Variants in TNXB observed in about 807,000 individuals in gnomAD.
The protein encoded by TNXB is tenascin-X.
Under a neutral mutation model 340.5 loss-of-function variants are expected in TNXB, and 183 were observed. The observed-to-expected ratio is 0.54, with a 90% CI of 0.48 to 0.61. TNXB has a LOEUF of 0.61. Ranked by LOEUF, TNXB falls within the 20% of genes least tolerant of loss-of-function variation. The pLI, the probability that TNXB is intolerant of heterozygous loss-of-function variation, is 0.00. For missense variants in TNXB, 4,613 were observed against 5,446.4 expected, an observed-to-expected ratio of 0.85 and a Z score of 4.82; for synonymous variants, 2,121 against 2,314.5, an observed-to-expected ratio of 0.92 and a Z score of 2.40.
chr6:32,104,843 C>T (rs1780899779), intron 1 of TNXB, among the ~76,000 whole-genome samples: 7 of 152,024 alleles, frequency 4.6e-5, no homozygotes, highest in Admixed American at 4.6e-4. Flanking sequence ...TTCTATGTTG[C>T]TCGGGCTGGC....
In TNXB at chr6:32,058,310, G is replaced by A; in HGVS notation, c.7573C>T (p.Leu2525=). ...EAPGPPEEPL[L]GELTVTGSSP... Reference sequence around the variant, plus strand: ...GATCCTGTCACTGTCAGCTCCCCCAGGAGAGGCTCCTCGGGGGGCCCTGGG... The same window carrying A: ...GATCCTGTCACTGTCAGCTCCCCCAAGAGAGGCTCCTCGGGGGGCCCTGGG... Residue 2525 remains leucine (L), a synonymous_variant, in exon 22 of 44, where the codon CTG becomes TTG. Coordinates refer to ENST00000644971, the MANE Select transcript of TNXB (RefSeq NM_001365276.2). This position sits in a 1 kb window ranked among gnomAD's most constrained non-coding sequence, Gnocchi z 5.1. 3.1e-6 allele frequency: 5 copies of A among 1,611,884 alleles called. No homozygotes were observed. Among genetic ancestry groups the A allele is most frequent in the Non-Finnish European group, 4.2e-6 (5 of 1,179,540 alleles).
intron 6 of TNXB, chr6:32,088,020 G>A (rs1779894732): frequency 3.5e-6 from 1 of 284,996 alleles, no homozygotes; most frequent in African/African-American, 2.4e-5. Context: ...GGGAGAACAG[G>A]TCAGTGGCAG....
In TNXB at chr6:32,087,633, G is replaced by T. The variant is rs765418888; in HGVS notation, c.2779+1152C>A. The T allele has an allele frequency of 9.9e-6, 4 of 404,942 alleles. No homozygotes were observed. In the Middle Eastern group the frequency reaches 2.4e-3, roughly 248 times the overall value. The allele number at this position is 404,942 out of a possible 1,614,324, so 25.1% of individuals were successfully genotyped here. A position where few individuals can be genotyped will look rare whatever the true frequency, so the allele number is the denominator to read the frequency against. On this transcript the variant is annotated intron_variant, in intron 6 of 43. Coordinates refer to ENST00000644971, the MANE Select transcript of TNXB (RefSeq NM_001365276.2). The surrounding 1 kb of genome is among the most constrained non-coding windows in gnomAD (Gnocchi z 9.0). ...CGGTGGGGCGGGGGTGGCGGGGCGG[G>T]GGTGCGGGGGAGCCGGCTGGGGCGG...
Position 32,083,646 on chromosome 6 carries a change from T to A in TNXB, c.3445+767A>T, listed in dbSNP as rs1779603319. 6.6e-6 allele frequency among the ~76,000 whole-genome samples: 1 copy of A among 152,064 alleles called. No homozygotes were observed. The highest frequency in any genetic ancestry group is 1.5e-5 in the Non-Finnish European group (1 of 68,022). ...TGCCACCATCCCAGCTGACCCATCA[T>A]CATTTTTCTTTTTTTTGAGACAGGG... On this transcript the variant is annotated intron_variant, in intron 8 of 43. Transcript: ENST00000644971. The surrounding 1 kb of genome is among the most constrained non-coding windows in gnomAD (Gnocchi z 4.6).
Position 32,056,142 on chromosome 6 carries a change from G to A in TNXB, c.8176C>T (p.Leu2726Phe). The change falls in exon 24 of 44, where the codon CTC (leucine) becomes TTC (phenylalanine). Residue 2726 changes from leucine to phenylalanine, a missense_variant. Around this residue, in one of 7 missense-constraint regions of TNXB, gnomAD observed 4,327 missense variants for 4,859.4 expected, o/e 0.89. Transcript: ENST00000644971. ...GGGGGCTCCGGGGCCTCAGTGCTGA[G>A]TTCCGTGGGGCTGGGGGTCTCTTCC... ...AEEETPSPTE[L>F]STEAPEPPEE... 6.2e-7 allele frequency: 1 copy of A among 1,612,386 alleles called. No homozygotes were observed.
chr6:32,069,850 C>T lies in TNXB; in HGVS notation c.5290G>A (p.Ala1764Thr), dbSNP rs1263928022. ...TADGTTEARS[A>T]MDDTGTKRPP... ...CGCTTTGTTCCAGTATCATCCATAGCACTCCGGGCTTCTGAGATGGAGACA... is the reference window on the plus strand; with the variant it reads ...CGCTTTGTTCCAGTATCATCCATAGTACTCCGGGCTTCTGAGATGGAGACA... The change falls in exon 15 of 44, where the codon GCT becomes ACT. Residue 1764 changes from alanine (A) to threonine (T), a missense_variant. Coordinates refer to ENST00000644971, the MANE Select transcript of TNXB (RefSeq NM_001365276.2). The surrounding 1 kb of genome is among the most constrained non-coding windows in gnomAD (Gnocchi z 6.2). The T allele has an allele frequency of 6.3e-7, 1 of 1,592,028 alleles. No homozygotes were observed. Among genetic ancestry groups the T allele is most frequent in the South Asian group, 1.1e-5 (1 of 89,458 alleles).
In TNXB at chr6:32,097,528, G is replaced by A; in HGVS notation, c.404-79C>T. The A allele has an allele frequency of 2.0e-6, 3 of 1,500,560 alleles. No homozygotes were observed. The highest frequency in any genetic ancestry group is 8.9e-7 in the Non-Finnish European group (1 of 1,121,818). The allele number at this position is 1,500,560 out of a possible 1,614,324, so 93.0% of individuals were successfully genotyped here. On this transcript the variant is annotated intron_variant, in intron 2 of 43. Transcript: ENST00000644971. The surrounding 1 kb of genome is among the most constrained non-coding windows in gnomAD (Gnocchi z 5.9). Reference sequence around the variant, plus strand: ...AGCCTATGTAGTGCTCCTATGTGCAGGCCCCTAGCCAGGCTAGCCTCATCT... The same window carrying A: ...AGCCTATGTAGTGCTCCTATGTGCAAGCCCCTAGCCAGGCTAGCCTCATCT...
Position 32,075,362 on chromosome 6 carries a change from C to T in TNXB, c.4376-1410G>A, listed in dbSNP as rs1779026563. Among the ~76,000 whole-genome samples, 1 of 152,226 alleles carries T rather than the reference C, an allele frequency of 6.6e-6. No homozygotes were observed. Among genetic ancestry groups the T allele is most frequent in the Non-Finnish European group, 1.5e-5 (1 of 68,038 alleles). On this transcript the variant is annotated intron_variant, in intron 11 of 43. Coordinates refer to ENST00000644971, the MANE Select transcript of TNXB (RefSeq NM_001365276.2). This position sits in a 1 kb window ranked among gnomAD's most constrained non-coding sequence, Gnocchi z 4.6. ...TATTGCCTGCCCTCCTCCAACTCCA[C>T]CACAAAACATACTGCATTCCTCACT...
Position 32,085,623 on chromosome 6 carries a change from A to C in TNXB, c.3148+127T>G. 8.8e-7 allele frequency: 1 copy of C among 1,136,616 alleles called. No individual in the cohort carries two copies. Among genetic ancestry groups the C allele is most frequent in the Non-Finnish European group, 1.2e-6 (1 of 850,134 alleles). 70.4% of individuals were successfully genotyped at this position (1,136,616 alleles called of 1,614,324 possible). A position where few individuals can be genotyped will look rare whatever the true frequency, so the allele number is the denominator to read the frequency against. ...TTCCTTTTCTCTCCTTTTCTCCTCT[A>C]TCCAGCCCCAAACATCAGCCCTGCC... On this transcript the variant is annotated intron_variant, in intron 7 of 43. Transcript: ENST00000644971. This position sits in a 1 kb window ranked among gnomAD's most constrained non-coding sequence, Gnocchi z 6.4.
In TNXB at chr6:32,042,603, C is replaced by T. The variant is rs1776513913; in HGVS notation, c.12062G>A (p.Gly4021Glu). 1 of 1,565,834 alleles carries T rather than the reference C, an allele frequency of 6.4e-7. No individual in the cohort carries two copies. Among genetic ancestry groups the T allele is most frequent in the Non-Finnish European group, 8.7e-7 (1 of 1,153,708 alleles). The change falls in exon 40 of 44, where the codon GGG becomes GAG. Residue 4021 changes from glycine (G) to glutamate (E), a missense_variant. Coordinates refer to ENST00000644971, the MANE Select transcript of TNXB (RefSeq NM_001365276.2). ...GTCCCTGGGGAAGGGGATCCGCAGCCCACCTGGGAGAGGAGAGCAGGGGCC... is the reference window on the plus strand; with the variant it reads ...GTCCCTGGGGAAGGGGATCCGCAGCTCACCTGGGAGAGGAGAGCAGGGGCC... ...PPVSTSFTTG[G>E]LRIPFPRDCG...
intron 1 of TNXB, among the ~76,000 whole-genome samples, chr6:32,099,726 GAAA>G (rs72548029): frequency 2.4e-4 from 30 of 126,778 alleles, no homozygotes; most frequent in African/African-American, 7.1e-4. Context: ...ATCTCCAATT[GAAA>G]AAAAAAAAAC....
chr6:32,100,906 C>A (rs1336449385), intron 1 of TNXB, among the ~76,000 whole-genome samples: 1 of 151,252 alleles, frequency 6.6e-6, no homozygotes, highest in Non-Finnish European at 1.5e-5. Flanking sequence ...ATGGTGAAAC[C>A]CCATCTCTAC....
At chr6:32,063,070 A>G (rs1778127344) in intron 19 of TNXB, among the ~76,000 whole-genome samples, 1 of 149,770 alleles carries the variant, frequency 6.7e-6, no homozygotes. Flanking sequence ...AAACAAACAA[A>G]CAAAAACAAA....
Position 32,096,451 on chromosome 6 carries a change from C to T in TNXB, c.1402G>A (p.Gly468Arg), listed in dbSNP as rs753788627. The T allele has an allele frequency of 7.5e-6, 12 of 1,598,890 alleles. No homozygotes were observed. The highest frequency in any genetic ancestry group is 1.0e-5 in the Non-Finnish European group (12 of 1,178,992). Residue 468 changes from glycine to arginine, a missense_variant, in exon 3 of 44, where the codon GGG becomes AGG. Transcript: ENST00000644971. The stretch of plus-strand genomic sequence containing the variant: ...CAGCGGCCCCGGCCACGACAGTCCC[C>T]AGGACAGCTGCGCACACCGCAGTCC... ...GEDCGVRSCP[G>R]DCRGRGRCES...
In TNXB at chr6:32,108,471, A is replaced by G. The variant is rs1437819166; in HGVS notation, c.-9+710T>C. 6.6e-6 allele frequency among the ~76,000 whole-genome samples: 1 copy of G among 152,088 alleles called. No homozygotes were observed. The highest frequency in any genetic ancestry group is 1.5e-5 in the Non-Finnish European group (1 of 68,006). ...CCCTGTGCCCCCAGAGGCATCTCTC[A>G]GCCATCCCAGCCCTGCTGAACCGTG... On this transcript the variant is annotated intron_variant, in intron 1 of 43. Coordinates refer to ENST00000644971, the MANE Select transcript of TNXB (RefSeq NM_001365276.2). The surrounding 1 kb of genome is among the most constrained non-coding windows in gnomAD (Gnocchi z 4.8).
rs979263723 is a variant in TNXB at position 32,084,747 on chromosome 6, C to T, written c.3149-38G>A. ...AGGCAAAAGCAAAGCATAGTGGACT[C>T]AACCGTTCTCTTGTCTGTGTCTCCT... On this transcript the variant is annotated intron_variant, in intron 7 of 43. Transcript: ENST00000644971. This position sits in a 1 kb window ranked among gnomAD's most constrained non-coding sequence, Gnocchi z 5.5. 1.3e-6 allele frequency: 2 copies of T among 1,494,440 alleles called. No homozygotes were observed. Among genetic ancestry groups the T allele is most frequent in the African/African-American group, 1.4e-5 (1 of 72,394 alleles). The allele number at this position is 1,494,440 out of a possible 1,614,324, so 92.6% of individuals were successfully genotyped here.
chr6:32,053,338 AG>A (rs765985555), intron 25 of TNXB, 49 bp downstream of exon 25: 2 of 1,584,606 alleles, frequency 1.3e-6, no homozygotes, highest in Non-Finnish European at 1.7e-6. Flanking sequence ...CACCAGAGAA[AG>A]GGAGACCCTC....
chr6:32,046,139 A>T lies in TNXB; in HGVS notation c.10606+36T>A, dbSNP rs1043805285. 8 of 1,562,252 alleles carry T rather than the reference A, an allele frequency of 5.1e-6. No individual in the cohort carries two copies. In the African/African-American group the frequency reaches 1.1e-4, roughly 21 times the overall value. ...CCCAAATGCACAAGGAAACCCACAC[A>T]AGCTGGCTTGCTATAGCCAGGCACA... On this transcript the variant is annotated intron_variant, in intron 31 of 43. Coordinates refer to ENST00000644971, the MANE Select transcript of TNXB (RefSeq NM_001365276.2). The surrounding 1 kb of genome is among the most constrained non-coding windows in gnomAD (Gnocchi z 6.9).
At chr6:32,060,749 G>A (rs1352794037) in intron 21 of TNXB, among the ~76,000 whole-genome samples, 6 of 151,836 alleles carry the variant, frequency 4.0e-5, no homozygotes, top group South Asian at 2.1e-4. Flanking sequence ...AGCAATTCTC[G>A]TGCCTCCACC....
Sources: allele counts gnomAD v4.1 joint callset (sites outside exome capture counted in the v4.1 genomes callset), GRCh38; gene constraint gnomAD v4.1.1; regional missense constraint gnomAD v4.1.1; non-coding constraint Gnocchi (gnomAD v3.1); transcripts MANE v1.5; gene names NCBI Gene and HGNC (gene_info 2026-07-23, HGNC 2026-07-21).